CORT: variants seen among roughly 807,000 people sequenced by gnomAD.
CORT encodes cortistatin-14.
CORT carries 2 observed loss-of-function variants against 4.4 expected under a neutral mutation model. That is an observed-to-expected ratio of 0.46 (90% CI 0.19 to 1.44). The LOEUF (loss-of-function observed/expected upper bound fraction) is 1.44, where lower values mean the gene tolerates loss of function less well. Among genes scored for constraint, CORT ranks in the 40% most tolerant of loss-of-function variants. CORT has a pLI of 0.26. For synonymous variants in CORT, 72 were observed against 62.0 expected (o/e 1.16, Z -0.75); for missense variants, 158 against 140.2 (o/e 1.13, Z -0.64).
chr1:10,451,470 C>G lies in CORT; in HGVS notation c.193C>G (p.Leu65Val), dbSNP rs375844912. 14 of 1,614,066 alleles carry G rather than the reference C, an allele frequency of 8.7e-6. No homozygotes were observed. The highest frequency in any genetic ancestry group is 1.3e-5 in the African/African-American group (1 of 74,946). The change falls in exon 2 of 2, where the codon CTC becomes GTC. Residue 65 changes from leucine (L) to valine (V), a missense_variant. Leu to Val is a conservative substitution (Grantham distance 32). Transcript: ENST00000377049. ...GACCTCCCAGGCCAGTGCCGGGCCC[C>G]TCATAGGAGAGGAAGCCCGGGAGGT... ...EWTSQASAGP[L>V]IGEEAREVAR...
Position 10,451,464 on chromosome 1 carries a change from G to A in CORT, c.187G>A (p.Gly63Arg), listed in dbSNP as rs201158337. 4.8e-5 allele frequency: 77 copies of A among 1,614,020 alleles called. No homozygotes were observed. The highest frequency in any genetic ancestry group is 1.3e-4 in the East Asian group (6 of 44,882). Reference protein sequence around the residue: ...WFEWTSQASAGPLIGEEAREV... With the variant: ...WFEWTSQASARPLIGEEAREV... Reference sequence around the variant, plus strand: ...TGAGTGGACCTCCCAGGCCAGTGCCGGGCCCCTCATAGGAGAGGAAGCCCG... The same window carrying A: ...TGAGTGGACCTCCCAGGCCAGTGCCAGGCCCCTCATAGGAGAGGAAGCCCG... The change falls in exon 2 of 2, where the codon GGG (glycine) becomes AGG (arginine). Residue 63 changes from glycine (G) to arginine (R), a missense_variant. Transcript: ENST00000377049.
Position 10,451,507 on chromosome 1 carries a change from A to G in CORT, c.230A>G (p.Gln77Arg), listed in dbSNP as rs1341420951. The G allele has an allele frequency of 6.2e-7, 1 of 1,614,118 alleles. No individual in the cohort carries two copies. The highest frequency in any genetic ancestry group is 1.7e-5 in the Admixed American group (1 of 60,014). The change falls in exon 2 of 2, where the codon CAG (glutamine) becomes CGG (arginine). Residue 77 changes from glutamine to arginine, a missense_variant. Coordinates refer to ENST00000377049, the MANE Select transcript of CORT (RefSeq NM_001302.5). Reference protein sequence around the residue: ...GEEAREVARRQEGAPPQQSAR... With the variant: ...GEEAREVARRREGAPPQQSAR... The stretch of plus-strand genomic sequence containing the variant: ...GAAGCCCGGGAGGTGGCCAGGCGGC[A>G]GGAAGGCGCACCCCCCCAGCAATCT...
chr1:10,451,770 T>C lies in CORT; in HGVS notation c.*175T>C, dbSNP rs1640796250. The C allele has an allele frequency of 8.8e-7, 1 of 1,135,492 alleles. No homozygotes were observed. Among genetic ancestry groups the C allele is most frequent in the African/African-American group, 1.6e-5 (1 of 62,932 alleles). 70.3% of individuals were successfully genotyped at this position (1,135,492 alleles called of 1,614,324 possible). ...AGTAATTTGGAACCCAAAGTGAAGATCTTTGATAAAGATTTTTTTGTGGTT... is the reference window on the plus strand; with the variant it reads ...AGTAATTTGGAACCCAAAGTGAAGACCTTTGATAAAGATTTTTTTGTGGTT... On this transcript the variant is annotated 3_prime_UTR_variant, in exon 2 of 2. Transcript: ENST00000377049.
At chr1:10,450,433 C>A in intron 1 of CORT, 111 bp downstream of exon 1, 4 of 1,174,676 alleles carry the variant, frequency 3.4e-6, no homozygotes, top group East Asian at 3.1e-5. Flanking sequence ...ACAGCTTGGA[C>A]AGGACACACG....
In CORT at chr1:10,451,910, T is replaced by TAGG. The variant is rs1570091316; in HGVS notation, c.*315_*316insAGG. On this transcript the variant is annotated 3_prime_UTR_variant, in exon 2 of 2. Coordinates refer to ENST00000377049, the MANE Select transcript of CORT (RefSeq NM_001302.5). ...TAGCTAAAGGCTACACAATTAAGAG[T>TAGG]TCAGAATAACATCTTATTTCAGTTT... 4.6e-6 allele frequency: 1 copy of TAGG among 216,850 alleles called. No homozygotes were observed. Among genetic ancestry groups the TAGG allele is most frequent in the Non-Finnish European group, 8.9e-6 (1 of 112,050 alleles). 13.4% of individuals were successfully genotyped at this position (216,850 alleles called of 1,614,324 possible). A position where few individuals can be genotyped will look rare whatever the true frequency, so the allele number is the denominator to read the frequency against.
Position 10,450,244 on chromosome 1 carries a change from C to G in CORT, c.21C>G (p.Leu7=), listed in dbSNP as rs565298894. Residue 7 remains leucine (L), a synonymous_variant, in exon 1 of 2, where the codon CTC becomes CTG. Transcript: ENST00000377049. Reference sequence around the variant, plus strand: ...ACAAGATGCCATTGTCCCCCGGCCTCCTGCTGCTGCTGCTCTCCGGGGCCA... The same window carrying G: ...ACAAGATGCCATTGTCCCCCGGCCTGCTGCTGCTGCTGCTCTCCGGGGCCA... The part of the protein sequence containing the change: MPLSPG[L]LLLLLSGATA... 3.2e-6 allele frequency: 5 copies of G among 1,581,520 alleles called. No homozygotes were observed. Among genetic ancestry groups the G allele is most frequent in the Non-Finnish European group, 3.4e-6 (4 of 1,163,844 alleles).
At chr1:10,450,411 G>A in intron 1 of CORT, 89 bp downstream of exon 1, 2 of 1,291,450 alleles carry the variant, frequency 1.5e-6, no homozygotes, top group Non-Finnish European at 2.0e-6. Context: ...GTGTGCACGT[G>A]TGTTGCACTT....
In CORT at chr1:10,451,381, T is replaced by C. The variant is rs916016644; in HGVS notation, c.104T>C (p.Met35Thr). ...GGPTGRDSEH[M>T]QEAAGIRKSS... ...CCATCTGCTTCTCTTTAAAAGCATA[T>C]GCAGGAAGCGGCAGGAATAAGGAAA... Residue 35 changes from methionine to threonine, a missense_variant, in exon 2 of 2, where the codon ATG becomes ACG. Transcript: ENST00000377049. 8 of 1,607,500 alleles carry C rather than the reference T, an allele frequency of 5.0e-6. No homozygotes were observed. Among genetic ancestry groups the C allele is most frequent in the Middle Eastern group, 3.3e-4 (2 of 6,034 alleles).
At chr1:10,450,936 A>G (rs116770210) in intron 1 of CORT, among the ~76,000 whole-genome samples, 3,583 of 152,274 alleles carry the variant, frequency 0.024, 137 homozygotes, top group African/African-American at 0.081. Flanking sequence ...ATCGTCTCAG[A>G]AAGCAACTTG....
In CORT at chr1:10,451,682, C is replaced by T; in HGVS notation, c.*87C>T. 1 of 1,456,096 alleles carries T rather than the reference C, an allele frequency of 6.9e-7. No homozygotes were observed. Among genetic ancestry groups the T allele is most frequent in the Middle Eastern group, 2.5e-4 (1 of 3,972 alleles). The allele number at this position is 1,456,096 out of a possible 1,614,324, so 90.2% of individuals were successfully genotyped here. A position where few individuals can be genotyped will look rare whatever the true frequency, so the allele number is the denominator to read the frequency against. Reference sequence around the variant, plus strand: ...GCAGTGATCTTTCCTCTCCTCCTTCCCAAGTCATTTGAAAAGTGTTTGTTA... The same window carrying T: ...GCAGTGATCTTTCCTCTCCTCCTTCTCAAGTCATTTGAAAAGTGTTTGTTA... On this transcript the variant is annotated 3_prime_UTR_variant, in exon 2 of 2. Transcript: ENST00000377049.
At chr1:10,451,284 TA>T (rs1640777510) in intron 1 of CORT, 92 bp from the exon 2 acceptor site, 1 of 1,303,072 alleles carries the variant, frequency 7.7e-7, no homozygotes, top group Non-Finnish European at 1.0e-6. Flanking sequence ...TTTTTTTTTT[TA>T]AGTAAGGAGG....
intron 1 of CORT, 152 bp from the exon 2 acceptor site, chr1:10,451,225 T>C: frequency 7.4e-6 from 8 of 1,083,848 alleles, no homozygotes; most frequent in Non-Finnish European, 8.8e-6. Context: ...GAGCATCTTT[T>C]CATTTTAATA....
In CORT at chr1:10,451,396, G is replaced by A; in HGVS notation, c.119G>A (p.Gly40Glu). 1.9e-6 allele frequency: 3 copies of A among 1,611,854 alleles called. No individual in the cohort carries two copies. The highest frequency in any genetic ancestry group is 2.5e-6 in the Non-Finnish European group (3 of 1,178,882). The change falls in exon 2 of 2, where the codon GGA (glycine) becomes GAA (glutamate). Residue 40 changes from glycine (G) to glutamate (E), a missense_variant. Coordinates refer to ENST00000377049, the MANE Select transcript of CORT (RefSeq NM_001302.5). ...TAAAAGCATATGCAGGAAGCGGCAG[G>A]AATAAGGAAAAGCAGCCTCCTGACT... The part of the protein sequence containing the change: ...RDSEHMQEAA[G>E]IRKSSLLTFL...
Position 10,451,618 on chromosome 1 carries a change from G to GC in CORT, c.*24dup, listed in dbSNP as rs1557787088. 2 of 1,601,772 alleles carry GC rather than the reference G, an allele frequency of 1.2e-6. No homozygotes were observed. Among genetic ancestry groups the GC allele is most frequent in the Admixed American group, 1.7e-5 (1 of 58,498 alleles). ...TAAAACCTCACCCATGAATGCTCAC[G>GC]CAAGTGTAATGACAGACCTGAATAA... On this transcript the variant is annotated 3_prime_UTR_variant, in exon 2 of 2. Coordinates refer to ENST00000377049, the MANE Select transcript of CORT (RefSeq NM_001302.5).
rs1416318859 is a variant in CORT, at chr1:10,451,599, C to T, written c.*4C>T. 17 of 1,610,090 alleles carry T rather than the reference C, an allele frequency of 1.1e-5. No individual in the cohort carries two copies. Among genetic ancestry groups the T allele is most frequent in the African/African-American group, 2.7e-5 (2 of 74,878 alleles). ...GACCTTCTCCTCCTGCAAATAAAACCTCACCCATGAATGCTCACGCAAGTG... is the reference window on the plus strand; with the variant it reads ...GACCTTCTCCTCCTGCAAATAAAACTTCACCCATGAATGCTCACGCAAGTG... On this transcript the variant is annotated 3_prime_UTR_variant, in exon 2 of 2. Transcript: ENST00000377049.
chr1:10,451,668 T>G lies in CORT; in HGVS notation c.*73T>G, dbSNP rs1332505710. ...AAATGTATTAAGCAGCAGTGATCTT[T>G]CCTCTCCTCCTTCCCAAGTCATTTG... On this transcript the variant is annotated 3_prime_UTR_variant, in exon 2 of 2. Coordinates refer to ENST00000377049, the MANE Select transcript of CORT (RefSeq NM_001302.5). 4.1e-6 allele frequency: 6 copies of G among 1,477,636 alleles called. No individual in the cohort carries two copies. The highest frequency in any genetic ancestry group is 5.4e-6 in the Non-Finnish European group (6 of 1,110,098). The allele number at this position is 1,477,636 out of a possible 1,614,324, so 91.5% of individuals were successfully genotyped here.
chr1:10,451,228 T>C, intron 1 of CORT, 149 bp from the exon 2 acceptor site: 1 of 1,097,642 alleles, frequency 9.1e-7, no homozygotes, highest in Non-Finnish European at 1.2e-6. Flanking sequence ...CATCTTTTCA[T>C]TTTAATATTT....
chr1:10,450,393 G>A, intron 1 of CORT, 71 bp downstream of exon 1: 2 of 1,274,574 alleles, frequency 1.6e-6, no homozygotes, highest in East Asian at 2.9e-5. Context: ...GGCCTGCATG[G>A]TGTGTGTGTG....
At position 10,451,489 on chromosome 1, in the gene CORT, G is replaced by C. The variant is rs544551198; in HGVS notation, c.212G>C (p.Arg71Pro). ...SAGPLIGEEA[R>P]EVARRQEGAP... ...GGGCCCCTCATAGGAGAGGAAGCCC[G>C]GGAGGTGGCCAGGCGGCAGGAAGGC... The change falls in exon 2 of 2, where the codon CGG becomes CCG. Residue 71 changes from arginine to proline, a missense_variant. By Grantham distance (103) the Arg-to-Pro change is moderately radical (BLOSUM62 -2). Coordinates refer to ENST00000377049, the MANE Select transcript of CORT (RefSeq NM_001302.5). The C allele has an allele frequency of 6.2e-7, 1 of 1,614,084 alleles. No homozygotes were observed. The highest frequency in any genetic ancestry group is 1.7e-5 in the Admixed American group (1 of 60,006).
Sources: gnomAD v4.1 joint callset for allele counts (sites outside exome capture counted in the v4.1 genomes callset) on GRCh38, gnomAD v4.1.1 for gene constraint, MANE v1.5 for transcripts, NCBI Gene and HGNC (gene_info 2026-07-23, HGNC 2026-07-21) for gene names.